Variants in ASB4 observed in about 807,000 individuals in gnomAD.
ASB4 encodes ankyrin repeat and SOCS box containing 4.
Under a neutral mutation model 38.6 loss-of-function variants are expected in ASB4, and 35 were observed. The ratio of observed to expected loss-of-function variants is 0.91; its 90% CI spans 0.69 to 1.20. The LOEUF (loss-of-function observed/expected upper bound fraction) is 1.20, where lower values mean the gene tolerates loss of function less well. ASB4 is among the 50% of genes most tolerant of loss of function. The pLI, the probability that ASB4 is intolerant of heterozygous loss-of-function variation, is 0.00. For synonymous variants in ASB4, 195 were observed against 201.3 expected (o/e 0.97, Z 0.26); for missense variants, 557 against 527.2 (o/e 1.06, Z -0.55).
intron 2 of ASB4, among the ~76,000 whole-genome samples, chr7:95,515,257 TTCTTTCTTTC>T (rs1310252541): frequency 2.9e-4 from 40 of 137,236 alleles, no homozygotes; most frequent in South Asian, 1.0e-3. Context: ...CTTTCCTTCT[TTCTTTCTTTC>T]TCTTTCTTTC....
chr7:95,506,304 A>C (rs1190106309), intron 2 of ASB4, among the ~76,000 whole-genome samples: 1 of 152,178 alleles, frequency 6.6e-6, no homozygotes, highest in African/African-American at 2.4e-5. Flanking sequence ...TGCTCCAATG[A>C]GTTTCAGGTT....
chr7:95,514,120 A>G (rs534944573), intron 2 of ASB4, among the ~76,000 whole-genome samples: 227 of 152,242 alleles, frequency 1.5e-3, no homozygotes, highest in South Asian at 3.5e-3. Context: ...GTTACACTGC[A>G]CCAATTCTTT....
At chr7:95,531,816 C>T (rs1790823257) in intron 3 of ASB4, among the ~76,000 whole-genome samples, 1 of 152,130 alleles carries the variant, frequency 6.6e-6, no homozygotes, top group African/African-American at 2.4e-5. Flanking sequence ...TAAGCATCTC[C>T]CCTGCTGGCT....
At chr7:95,550,009 T>A in the ASB4 span, among the ~76,000 whole-genome samples, 2 of 152,156 alleles carry the variant, frequency 1.3e-5, no homozygotes, top group Admixed American at 1.3e-4. Context: ...GCAAAACAGG[T>A]GCAAGTTTCC....
At chr7:95,515,171 T>TC (rs1562816896) in intron 2 of ASB4, among the ~76,000 whole-genome samples, 14 of 44,616 alleles carry the variant, frequency 3.1e-4, no homozygotes, top group Non-Finnish European at 7.0e-4. Flanking sequence ...CTCTTTCTCT[T>TC]TCTTTCTTTC....
At chr7:95,510,455 T>C (rs1244128362) in intron 2 of ASB4, among the ~76,000 whole-genome samples, 1 of 152,230 alleles carries the variant, frequency 6.6e-6, no homozygotes, top group Non-Finnish European at 1.5e-5. Flanking sequence ...CTTTGATCAA[T>C]TTCTAATTTC....
At chr7:95,515,947 C>T (rs1308589017) in intron 2 of ASB4, among the ~76,000 whole-genome samples, 2 of 152,202 alleles carry the variant, frequency 1.3e-5, no homozygotes, top group Non-Finnish European at 2.9e-5. Flanking sequence ...TACCACTCTC[C>T]TTCATGCCAT....
At position 95,496,053 on chromosome 7, in the gene ASB4, G is replaced by C. The variant is rs1465383155; in HGVS notation, c.483G>C (p.Trp161Cys). 6.2e-7 allele frequency: 1 copy of C among 1,611,306 alleles called. No individual in the cohort carries two copies. The highest frequency in any genetic ancestry group is 8.5e-7 in the Non-Finnish European group (1 of 1,178,110). ...SSILCAKQLV[W>C]RGANVNMKTN... is the part of the protein sequence containing the mutation. ...TTCTCTGTGCCAAGCAATTGGTTTG[G>C]AGAGGTAAGCCTTTCTGGGTGGCCA... Residue 161 changes from tryptophan (W) to cysteine (C), a missense_variant, in exon 2 of 5, where the codon TGG becomes TGC. Trp to Cys is a radical substitution (Grantham distance 215, BLOSUM62 -2). Coordinates refer to ENST00000325885, the MANE Select transcript of ASB4 (RefSeq NM_016116.3).
upstream of ASB4, among the ~76,000 whole-genome samples, chr7:95,476,014 TTTCTTGA>T (rs1443810311): frequency 6.6e-6 from 1 of 152,254 alleles, no homozygotes; most frequent in East Asian, 1.9e-4. Context: ...CTGTGAAATC[TTTCTTGA>T]TTCCTCAAAC....
Position 95,511,221 on chromosome 7 carries a change from C to G in ASB4, c.487+15164C>G, listed in dbSNP as rs569233040. On this transcript the variant is annotated intron_variant, in intron 2 of 4. Transcript: ENST00000325885. ...AATAACGGTGGACCCCTCTCTTTTC[C>G]AAGACAAAACATTTTGTTGACAGCC... is the stretch of plus-strand genomic sequence containing the variant. Among the ~76,000 whole-genome samples, 11 of 152,112 alleles carry G rather than the reference C, an allele frequency of 7.2e-5. No homozygotes were observed. The South Asian group carries it at 2.3e-3, about 32-fold the overall frequency.
chr7:95,487,235 A>C (rs1790103893), intron 1 of ASB4, among the ~76,000 whole-genome samples: 1 of 152,178 alleles, frequency 6.6e-6, no homozygotes, highest in Non-Finnish European at 1.5e-5. Context: ...ATTTTTACTC[A>C]AGGGCTTTAT....
intron 2 of ASB4, among the ~76,000 whole-genome samples, chr7:95,511,920 A>C (rs1790487722): frequency 6.6e-6 from 1 of 152,090 alleles, no homozygotes; most frequent in Non-Finnish European, 1.5e-5. Context: ...TCCTGCCGCT[A>C]ATGTAAATTA....
upstream of ASB4, among the ~76,000 whole-genome samples, chr7:95,478,171 A>G (rs371416391): frequency 5.3e-5 from 8 of 152,322 alleles, no homozygotes; most frequent in Middle Eastern, 3.4e-3. Context: ...GTCAAAAGTA[A>G]AAAGAGGATG....
chr7:95,548,173 A>G, the ASB4 span, among the ~76,000 whole-genome samples: 1 of 152,222 alleles, frequency 6.6e-6, no homozygotes, highest in Non-Finnish European at 1.5e-5. Flanking sequence ...ACATGTTTGC[A>G]TTTCTACCAG....
intron 1 of ASB4, among the ~76,000 whole-genome samples, chr7:95,493,433 A>C (rs1303554096): frequency 1.3e-5 from 2 of 151,900 alleles, no homozygotes; most frequent in African/African-American, 4.8e-5. Flanking sequence ...GATACATTAC[A>C]GAAAGACAGA....
chr7:95,506,626 C>T (rs1397105540), intron 2 of ASB4, among the ~76,000 whole-genome samples: 1 of 151,934 alleles, frequency 6.6e-6, no homozygotes, highest in African/African-American at 2.4e-5. Context: ...AAATTGAAAG[C>T]CATTTACATC....
chr7:95,522,320 C>T lies in ASB4; in HGVS notation c.488-5493C>T, dbSNP rs117314645. Among the ~76,000 whole-genome samples, 4 of 152,144 alleles carry T rather than the reference C, an allele frequency of 2.6e-5. No homozygotes were observed. In the South Asian group the frequency reaches 6.2e-4, roughly 24 times the overall value. On this transcript the variant is annotated intron_variant, in intron 2 of 4. Coordinates refer to ENST00000325885, the MANE Select transcript of ASB4 (RefSeq NM_016116.3). Reference sequence around the variant, plus strand: ...TACCATTCATGATGGCAATGATGCTCGTGGTGTTTGAATTACAATATAAAA... The same window carrying T: ...TACCATTCATGATGGCAATGATGCTTGTGGTGTTTGAATTACAATATAAAA...
chr7:95,490,441 TA>T (rs1790155104), intron 1 of ASB4, among the ~76,000 whole-genome samples: 3 of 152,188 alleles, frequency 2.0e-5, no homozygotes, highest in Non-Finnish European at 4.4e-5. Context: ...TATTAGCTAT[TA>T]AAAAATAGCC....
chr7:95,511,115 A>G (rs184384727), intron 2 of ASB4, among the ~76,000 whole-genome samples: 17 of 152,314 alleles, frequency 1.1e-4, no homozygotes, highest in Non-Finnish European at 1.3e-4. Context: ...GGAAATGATG[A>G]AAGCTCAGAA....
Sources: gnomAD v4.1 joint callset for allele counts (sites outside exome capture counted in the v4.1 genomes callset) on GRCh38, gnomAD v4.1.1 for gene constraint, MANE v1.5 for transcripts, NCBI Gene and HGNC (gene_info 2026-07-23, HGNC 2026-07-21) for gene names.